CD86: variants seen among roughly 807,000 people sequenced by gnomAD.
The protein encoded by CD86 is CD86 molecule, also known as T-lymphocyte activation antigen CD86.
CD86 carries 11 observed loss-of-function variants against 32.1 expected under a neutral mutation model. The ratio of observed to expected loss-of-function variants is 0.34; its 90% CI spans 0.22 to 0.57. CD86 has a LOEUF of 0.57. Ranked by LOEUF, CD86 falls within the 20% of genes least tolerant of loss-of-function variation. CD86 has a pLI of 0.86. For synonymous variants in CD86, 137 were observed against 135.3 expected, an observed-to-expected ratio of 1.01 and a Z score of -0.09; for missense variants, 359 against 398.4, an observed-to-expected ratio of 0.90 and a Z score of 0.84.
Position 122,091,606 on chromosome 3 carries a change from T to C in CD86, c.20T>C (p.Met7Thr). Reference protein sequence around the residue: MDPQCTMGLSNILFVMA... With the variant: MDPQCTTGLSNILFVMA... ...TTTTTTTTTCTCGACTCTAGCACTATGGGACTGAGTAACATTCTCTTTGTG... is the reference window on the plus strand; with the variant it reads ...TTTTTTTTTCTCGACTCTAGCACTACGGGACTGAGTAACATTCTCTTTGTG... The change falls in exon 2 of 7, where the codon ATG becomes ACG. Residue 7 changes from methionine (M) to threonine (T), a missense_variant. Transcript: ENST00000330540. The C allele has an allele frequency of 6.2e-7, 1 of 1,611,466 alleles. No individual in the cohort carries two copies. Among genetic ancestry groups the C allele is most frequent in the Non-Finnish European group, 8.5e-7 (1 of 1,177,754 alleles).
chr3:122,104,190 A>C (rs1180471082), intron 3 of CD86, among the ~76,000 whole-genome samples: 29 of 152,186 alleles, frequency 1.9e-4, no homozygotes, highest in Non-Finnish European at 4.4e-5. Flanking sequence ...TATAACCATA[A>C]AGGCCTCAGA....
intron 1 of CD86, among the ~76,000 whole-genome samples, chr3:122,088,726 A>G (rs1007239146): frequency 2.6e-5 from 4 of 152,242 alleles, no homozygotes; most frequent in African/African-American, 4.8e-5. Flanking sequence ...CCAGTTGTCG[A>G]TGGGAATGTA....
chr3:122,069,232 C>T (rs981472952), intron 1 of CD86, among the ~76,000 whole-genome samples: 15 of 151,862 alleles, frequency 9.9e-5, no homozygotes, highest in African/African-American at 3.6e-4. Flanking sequence ...AGTCCAAGGC[C>T]TTCATTCAGT....
chr3:122,068,961 G>A (rs1047375720), intron 1 of CD86, among the ~76,000 whole-genome samples: 4 of 152,272 alleles, frequency 2.6e-5, no homozygotes, highest in East Asian at 1.9e-4. Context: ...GAGATATATC[G>A]AGAAAACTAT....
intron 2 of CD86, among the ~76,000 whole-genome samples, chr3:122,102,467 G>T (rs1250976238): frequency 8.9e-6 from 1 of 111,774 alleles, no homozygotes; most frequent in African/African-American, 3.6e-5. Flanking sequence ...ACCTAGAAAA[G>T]GTCCTACACA....
chr3:122,066,645 C>A (rs188777790), intron 1 of CD86, among the ~76,000 whole-genome samples: 3 of 152,080 alleles, frequency 2.0e-5, no homozygotes, highest in East Asian at 1.9e-4. Flanking sequence ...ACTTAGGGTG[C>A]CTTAGAGTTC....
intron 5 of CD86, among the ~76,000 whole-genome samples, chr3:122,114,260 TATAAATAA>T (rs56864968): frequency 1.1e-4 from 17 of 151,482 alleles, no homozygotes; most frequent in African/African-American, 2.2e-4. Flanking sequence ...TCTTAAAAAA[TATAAATAA>T]ATAAATAAAT....
chr3:122,107,318 C>G (rs972552354), intron 4 of CD86, among the ~76,000 whole-genome samples: 2 of 152,160 alleles, frequency 1.3e-5, no homozygotes, highest in Admixed American at 1.3e-4. Flanking sequence ...CTGGGCTAAG[C>G]AGGTGAGAGG....
In CD86 at chr3:122,079,240, G is replaced by T. The variant is rs921924857; in HGVS notation, c.15-12361G>T. On this transcript the variant is annotated intron_variant, in intron 1 of 6. Coordinates refer to ENST00000330540, the MANE Select transcript of CD86 (RefSeq NM_175862.5). ...ACCAAGCCTTTGCATTTGATATTTT[G>T]GTTAGTCTATTCTTCTTGAATTTCA... is the stretch of plus-strand genomic sequence containing the variant. Among the ~76,000 whole-genome samples, 4 of 152,134 alleles carry T rather than the reference G, an allele frequency of 2.6e-5. 1 individual carries two copies. The South Asian group carries it at 8.3e-4, about 32-fold the overall frequency.
chr3:122,089,621 G>A (rs771919153), intron 1 of CD86, among the ~76,000 whole-genome samples: 58 of 152,204 alleles, frequency 3.8e-4, no homozygotes, highest in Non-Finnish European at 7.4e-4. Flanking sequence ...GTTGATCAGA[G>A]CATAAACGTA....
chr3:122,076,264 ATAC>A, intron 1 of CD86, among the ~76,000 whole-genome samples: 1 of 152,218 alleles, frequency 6.6e-6, no homozygotes, highest in East Asian at 1.9e-4. Flanking sequence ...AGTTTGGGGA[ATAC>A]TACTCCAAAT....
intron 2 of CD86, among the ~76,000 whole-genome samples, chr3:122,096,364 C>T (rs2072907969): frequency 6.6e-6 from 1 of 152,044 alleles, no homozygotes; most frequent in South Asian, 2.1e-4. Flanking sequence ...CATGGCCTAT[C>T]TATTTTTATG....
At chr3:122,106,533 C>T (rs781528904) in intron 4 of CD86, 33 bp downstream of exon 4, 1 of 1,543,938 alleles carries the variant, frequency 6.5e-7, no homozygotes. Flanking sequence ...TTTCTTTCAG[C>T]AGGTATTATA....
chr3:122,061,033 G>C (rs1217063918), intron 1 of CD86, among the ~76,000 whole-genome samples: 3 of 152,176 alleles, frequency 2.0e-5, no homozygotes, highest in Non-Finnish European at 2.9e-5. Flanking sequence ...AATATGATAA[G>C]CCAAACAACC....
At chr3:122,111,519 C>A (rs2073173233) in intron 5 of CD86, among the ~76,000 whole-genome samples, 1 of 152,174 alleles carries the variant, frequency 6.6e-6, no homozygotes, top group Non-Finnish European at 1.5e-5. Context: ...CCTTTCCTAG[C>A]TGGGATGGAG....
intron 1 of CD86, among the ~76,000 whole-genome samples, chr3:122,068,689 T>C (rs2072447917): frequency 6.6e-6 from 1 of 152,268 alleles, no homozygotes; most frequent in Non-Finnish European, 1.5e-5. Context: ...TGTATATATT[T>C]CATTTGATTA....
At chr3:122,111,539 GGAA>G (rs750920056) in intron 5 of CD86, among the ~76,000 whole-genome samples, 6 of 152,160 alleles carry the variant, frequency 3.9e-5, no homozygotes, top group Admixed American at 3.9e-4. Flanking sequence ...GAAATGAACT[GGAA>G]GAAGGAGAGA....
At chr3:122,091,468 G>C in intron 1 of CD86, 133 bp from the exon 2 acceptor site, 2 of 714,662 alleles carry the variant, frequency 2.8e-6, no homozygotes, top group Non-Finnish European at 2.5e-6. Flanking sequence ...CTTTGATGAA[G>C]CCCTGGCATT....
At chr3:122,066,229 T>C (rs1250292096) in intron 1 of CD86, among the ~76,000 whole-genome samples, 1 of 152,210 alleles carries the variant, frequency 6.6e-6, no homozygotes, top group Non-Finnish European at 1.5e-5. Flanking sequence ...TATTACCTTC[T>C]TTGAGCCTCA....
Sources: gnomAD v4.1 joint callset for allele counts (sites outside exome capture counted in the v4.1 genomes callset) on GRCh38, gnomAD v4.1.1 for gene constraint, MANE v1.5 for transcripts, NCBI Gene and HGNC (gene_info 2026-07-23, HGNC 2026-07-21) for gene names.